ADGRL3: variants seen among roughly 807,000 people sequenced by gnomAD.
The protein encoded by ADGRL3 is adhesion G protein-coupled receptor L3, also known as calcium-independent alpha-latrotoxin receptor 3.
Under a neutral mutation model 153.5 loss-of-function variants are expected in ADGRL3, and 62 were observed. The ratio of observed to expected loss-of-function variants is 0.40; its 90% confidence interval spans 0.33 to 0.50. The LOEUF (loss-of-function observed/expected upper bound fraction) is 0.50. Ranked by LOEUF, ADGRL3 falls within the 20% of genes least tolerant of loss-of-function variation. The probability of loss-of-function intolerance (pLI) is 0.47; values close to 1 mark genes in which losing one functional copy is unlikely to be tolerated. For missense variants in ADGRL3, 1,641 were observed against 1,859.4 expected (o/e 0.88, Z 2.16); for synonymous variants, 710 against 672.5 (o/e 1.06, Z -0.86).
chr4:61,432,816 G>T (rs2152425716), intron 2 of ADGRL3, among the ~76,000 whole-genome samples: 1 of 151,234 alleles, frequency 6.6e-6, no homozygotes, highest in South Asian at 2.1e-4. Context: ...ACCACGCCTG[G>T]CTAATTTTGT....
In ADGRL3 at chr4:62,059,469, T is replaced by C. The variant is rs550549094; in HGVS notation, c.3815-8697T>C. ...GTGCATGAGGCATGAAAGTGAGTGCTAGACAGTAAAGAAGCAAGTGATTTT... is the reference window on the plus strand; with the variant it reads ...GTGCATGAGGCATGAAAGTGAGTGCCAGACAGTAAAGAAGCAAGTGATTTT... On this transcript the variant is annotated intron_variant, in intron 25 of 26. Coordinates refer to ENST00000683033, the MANE Select transcript of ADGRL3 (RefSeq NM_001387552.1). Among the ~76,000 whole-genome samples the C allele has an allele frequency of 2.2e-4, 34 of 152,300 alleles. No individual in the cohort carries two copies. The South Asian group carries it at 7.0e-3, about 32-fold the overall frequency.
chr4:61,438,060 T>C (rs1393992406), intron 2 of ADGRL3, among the ~76,000 whole-genome samples: 1 of 152,188 alleles, frequency 6.6e-6, no homozygotes, highest in Non-Finnish European at 1.5e-5. Context: ...CCTGGAAAAC[T>C]CCTCAGGGGC....
At chr4:61,246,699 A>G (rs1045310650) in intron 1 of ADGRL3, among the ~76,000 whole-genome samples, 1 of 151,676 alleles carries the variant, frequency 6.6e-6, no homozygotes, top group African/African-American at 2.4e-5. Flanking sequence ...TATGATAATA[A>G]CCCTTTTCCT....
chr4:61,486,469 C>T lies in ADGRL3; in HGVS notation c.-173-10652C>T, dbSNP rs1365578918. Among the ~76,000 whole-genome samples the T allele has an allele frequency of 1.3e-4, 20 of 152,224 alleles. No individual in the cohort carries two copies. In the East Asian group the frequency reaches 2.5e-3, roughly 19 times the overall value. On this transcript the variant is annotated intron_variant, in intron 2 of 26. Coordinates refer to ENST00000683033, the MANE Select transcript of ADGRL3 (RefSeq NM_001387552.1). ...TGCCATAGGTGTAAGGCTTATTAGT[C>T]TATCCTAATCATAAAGGCTCTAAGA...
intron 9 of ADGRL3, among the ~76,000 whole-genome samples, chr4:61,818,087 C>T (rs1266660104): frequency 6.6e-6 from 1 of 152,158 alleles, no homozygotes; most frequent in African/African-American, 2.4e-5. Context: ...ACTAAAAAGT[C>T]CACAGTCCAA....
chr4:61,974,760 T>G (rs540847618), intron 17 of ADGRL3, among the ~76,000 whole-genome samples: 1 of 152,346 alleles, frequency 6.6e-6, no homozygotes, highest in East Asian at 1.9e-4. Flanking sequence ...TCTGTACTTT[T>G]GTCTTCATTT....
intron 1 of ADGRL3, among the ~76,000 whole-genome samples, chr4:61,211,474 A>G (rs1217965280): frequency 1.3e-5 from 2 of 152,224 alleles, no homozygotes; most frequent in Admixed American, 6.5e-5. Flanking sequence ...AGTTAGCTTG[A>G]AGAAGAAAAG....
chr4:61,977,445 C>G (rs1048652887), intron 17 of ADGRL3, among the ~76,000 whole-genome samples: 1 of 152,082 alleles, frequency 6.6e-6, no homozygotes, highest in Non-Finnish European at 1.5e-5. Context: ...TTTAAGCTGT[C>G]GCAGACCCAA....
Position 61,903,892 on chromosome 4 carries a change from C to T in ADGRL3, c.1888-5668C>T, listed in dbSNP as rs866862255. On this transcript the variant is annotated intron_variant, in intron 11 of 26. Transcript: ENST00000683033. ...GGATGAAACAATTCTCCCACCTCAA[C>T]CCCTCAAGTAGCAGGGACCACTGTG... 5.9e-5 allele frequency among the ~76,000 whole-genome samples: 9 copies of T among 151,992 alleles called. No individual in the cohort carries two copies. In the South Asian group the frequency reaches 1.0e-3, roughly 18 times the overall value.
chr4:61,647,262 T>C (rs1273767706), intron 5 of ADGRL3, among the ~76,000 whole-genome samples: 2 of 152,148 alleles, frequency 1.3e-5, no homozygotes, highest in African/African-American at 4.8e-5. Context: ...CTGGGAGCTG[T>C]AGACCAGAGC....
At chr4:61,921,849 T>C (rs556907954) in intron 13 of ADGRL3, among the ~76,000 whole-genome samples, 1 of 152,200 alleles carries the variant, frequency 6.6e-6, no homozygotes, top group African/African-American at 2.4e-5. Flanking sequence ...GGATAACTTG[T>C]GGCCGACCCA....
rs546081644 is a variant in ADGRL3 at position 61,765,875 on chromosome 4, TG to T, written c.1399+32323del. ...CCCTGAGGAGTAGTAGAATAGCAGATGGAACACTGAGCAGAATAGCAGATGG... is the reference window on the plus strand; with the variant it reads ...CCCTGAGGAGTAGTAGAATAGCAGATGAACACTGAGCAGAATAGCAGATGG... On this transcript the variant is annotated intron_variant, in intron 8 of 26. Transcript: ENST00000683033. Among the ~76,000 whole-genome samples the T allele has an allele frequency of 1.6e-3, 246 of 152,076 alleles. 2 individuals carry two copies. The highest frequency in any genetic ancestry group is 5.6e-3 in the African/African-American group (233 of 41,460).
At chr4:61,237,398 C>G (rs966263114) in intron 1 of ADGRL3, among the ~76,000 whole-genome samples, 9 of 152,246 alleles carry the variant, frequency 5.9e-5, no homozygotes, top group Admixed American at 5.2e-4. Context: ...TTATGCTACA[C>G]AGTGAGAAGA....
intron 1 of ADGRL3, among the ~76,000 whole-genome samples, chr4:61,204,355 A>G (rs545168690): frequency 3.9e-5 from 6 of 152,334 alleles, no homozygotes; most frequent in Middle Eastern, 3.4e-3. Flanking sequence ...TTTCATTTCT[A>G]GATGATACGT....
At chr4:61,437,442 T>C (rs2097462342) in intron 2 of ADGRL3, among the ~76,000 whole-genome samples, 1 of 152,156 alleles carries the variant, frequency 6.6e-6, no homozygotes, top group African/African-American at 2.4e-5. Flanking sequence ...CCCCTCCCAT[T>C]TTCGTTTCTC....
At chr4:61,940,079 C>A (rs903988353) in intron 15 of ADGRL3, among the ~76,000 whole-genome samples, 4 of 110,472 alleles carry the variant, frequency 3.6e-5, no homozygotes, top group Non-Finnish European at 5.5e-5. Context: ...ATCCCTCCCC[C>A]CTCCCCCGAC....
intron 5 of ADGRL3, among the ~76,000 whole-genome samples, chr4:61,654,708 C>G (rs896123762): frequency 2.0e-5 from 3 of 151,972 alleles, no homozygotes; most frequent in African/African-American, 7.3e-5. Flanking sequence ...ACCAGCCCAG[C>G]CAAGATGGTG....
chr4:61,806,568 T>G (rs912409344), intron 8 of ADGRL3, among the ~76,000 whole-genome samples: 3 of 152,102 alleles, frequency 2.0e-5, no homozygotes, highest in East Asian at 3.9e-4. Context: ...AAATACATTT[T>G]CATAACAGAA....
At position 61,503,116 on chromosome 4, in the gene ADGRL3, C is replaced by G. The variant is rs554757981; in HGVS notation, c.55+5768C>G. On this transcript the variant is annotated intron_variant, in intron 3 of 26. Transcript: ENST00000683033. Reference sequence around the variant, plus strand: ...TCAGTCGCTAATACCACAATGTAAGCTACAAACATGCATGGCTGATAGCTT... The same window carrying G: ...TCAGTCGCTAATACCACAATGTAAGGTACAAACATGCATGGCTGATAGCTT... Among the ~76,000 whole-genome samples, 8 of 152,282 alleles carry G rather than the reference C, an allele frequency of 5.3e-5. No homozygotes were observed. In the South Asian group the frequency reaches 6.2e-4, roughly 12 times the overall value.
Sources: gnomAD v4.1 joint callset for allele counts (sites outside exome capture counted in the v4.1 genomes callset) on GRCh38, gnomAD v4.1.1 for gene constraint, MANE v1.5 for transcripts, NCBI Gene and HGNC (gene_info 2026-07-23, HGNC 2026-07-21) for gene names.